The following AFF2 variants were observed in gnomAD, a reference collection of about 807,000 sequenced individuals.
The protein encoded by AFF2 is ALF transcription elongation factor 2.
Under a neutral mutation model 76.9 loss-of-function variants are expected in AFF2, and 14 were observed. The ratio of observed to expected loss-of-function variants is 0.18; its 90% confidence interval spans 0.12 to 0.28. The LOEUF is 0.28. Among genes scored for constraint, AFF2 ranks in the 10% least tolerant of loss-of-function variants. The probability of loss-of-function intolerance (pLI) is 1.00; values close to 1 mark genes in which losing one functional copy is unlikely to be tolerated. For synonymous variants in AFF2, 398 were observed against 366.7 expected, an observed-to-expected ratio of 1.09 and a Z score of -0.98; for missense variants, 868 against 1,001.1, an observed-to-expected ratio of 0.87 and a Z score of 1.79.
At chrX:148,781,042 C>T (rs782342190) in intron 3 of AFF2, among the ~76,000 whole-genome samples, 3 of 111,878 alleles carry the variant, frequency 2.7e-5, no homozygotes, top group East Asian at 2.8e-4. Flanking sequence ...TGGGGTTTTC[C>T]GCCAGACTCT....
chrX:148,606,858 A>T (rs1442331767), intron 1 of AFF2, among the ~76,000 whole-genome samples: 2 of 111,477 alleles, frequency 1.8e-5, no homozygotes, highest in Non-Finnish European at 3.8e-5. Context: ...AGACAATGAC[A>T]CATAAATGAG....
intron 8 of AFF2, among the ~76,000 whole-genome samples, chrX:148,901,013 C>G (rs985309480): frequency 8.9e-6 from 1 of 112,317 alleles, no homozygotes; most frequent in Non-Finnish European, 1.9e-5. Flanking sequence ...AATCAAGGTG[C>G]ACTGCATTTG....
intron 8 of AFF2, among the ~76,000 whole-genome samples, chrX:148,896,892 A>G (rs1409281783): frequency 9.1e-6 from 1 of 109,868 alleles, no homozygotes; most frequent in African/African-American, 3.3e-5. Context: ...CTGTGGTCCA[A>G]GAGACATTCT....
chrX:148,825,330 G>A (rs782359759), intron 4 of AFF2, among the ~76,000 whole-genome samples: 136 of 111,736 alleles, frequency 1.2e-3, no homozygotes, highest in African/African-American at 4.0e-3. Context: ...CTACTTCTCT[G>A]TATTATTGAG....
intron 7 of AFF2, among the ~76,000 whole-genome samples, chrX:148,856,652 C>T (rs1194689063): frequency 9.0e-6 from 1 of 111,642 alleles, no homozygotes; most frequent in Non-Finnish European, 1.9e-5. Flanking sequence ...ATTCTCTGCT[C>T]CTGAGTCCCA....
chrX:148,688,488 C>A (rs187423695), intron 3 of AFF2, among the ~76,000 whole-genome samples: 1,874 of 111,381 alleles, frequency 0.017, 18 homozygotes, highest in Non-Finnish European at 0.025. Flanking sequence ...GTCTCACATT[C>A]TATTTTGATT....
intron 1 of AFF2, among the ~76,000 whole-genome samples, chrX:148,644,063 T>C (rs2054116588): frequency 9.0e-6 from 1 of 111,667 alleles, no homozygotes; most frequent in Non-Finnish European, 1.9e-5. Flanking sequence ...AGTGCACTCT[T>C]ACAATATTTT....
chrX:148,964,658 C>A (rs1557288485), intron 13 of AFF2, among the ~76,000 whole-genome samples: 1 of 111,465 alleles, frequency 9.0e-6, no homozygotes, highest in African/African-American at 3.3e-5. Flanking sequence ...TGGGGAGACA[C>A]TGTTTAATGG....
chrX:148,773,647 G>A (rs1200423497), intron 3 of AFF2, among the ~76,000 whole-genome samples: 2 of 96,280 alleles, frequency 2.1e-5, no homozygotes, highest in Non-Finnish European at 4.1e-5. Context: ...GGAAAGGAGG[G>A]AGGGAGGAAG....
At position 148,992,901 on chromosome X, in the gene AFF2, G is replaced by A. The variant is rs2072549136; in HGVS notation, c.*1569G>A. 1 of 112,455 alleles carries A rather than the reference G, an allele frequency of 8.9e-6. No homozygotes were observed. The highest frequency in any genetic ancestry group is 3.2e-5 in the African/African-American group (1 of 30,857). 9.3% of individuals were successfully genotyped at this position (112,455 alleles called of 1,213,427 possible). A position where few individuals can be genotyped will look rare whatever the true frequency, so the allele number is the denominator to read the frequency against. ...ATTCCATGTAGCCTTTAATATGCTGGGTTATCAAATTCTGTTCACTGAGTT... is the reference window on the plus strand; with the variant it reads ...ATTCCATGTAGCCTTTAATATGCTGAGTTATCAAATTCTGTTCACTGAGTT... On this transcript the variant is annotated 3_prime_UTR_variant, in exon 21 of 21. Coordinates refer to ENST00000370460, the MANE Select transcript of AFF2 (RefSeq NM_002025.4).
chrX:148,897,298 A>G (rs1276577159), intron 8 of AFF2, among the ~76,000 whole-genome samples: 14 of 78,564 alleles, frequency 1.8e-4, no homozygotes, highest in Non-Finnish European at 3.5e-4. Context: ...ATATATCCAT[A>G]TGTGTGTATA....
chrX:148,618,738 T>C (rs2124415105), intron 1 of AFF2, among the ~76,000 whole-genome samples: 1 of 112,263 alleles, frequency 8.9e-6, no homozygotes, highest in Admixed American at 9.4e-5. Context: ...TTAGGCATGG[T>C]TATCATTTTC....
intron 1 of AFF2, among the ~76,000 whole-genome samples, chrX:148,585,053 T>C (rs2053453338): frequency 8.9e-6 from 1 of 112,099 alleles, no homozygotes; most frequent in Admixed American, 9.4e-5. Flanking sequence ...AAATGGATTG[T>C]CCCTGCTTCC....
intron 1 of AFF2, among the ~76,000 whole-genome samples, chrX:148,639,522 T>G (rs2054066319): frequency 8.9e-6 from 1 of 111,954 alleles, no homozygotes. Context: ...TAGTTTTGAA[T>G]GGAAGGCTGA....
intron 19 of AFF2, among the ~76,000 whole-genome samples, chrX:148,986,194 A>G (rs1236771321): frequency 8.9e-6 from 1 of 111,881 alleles, no homozygotes; most frequent in East Asian, 2.8e-4. Context: ...TCAAACATGC[A>G]GACTCATGGA....
intron 3 of AFF2, among the ~76,000 whole-genome samples, chrX:148,780,926 T>G (rs1194971034): frequency 2.0e-4 from 22 of 112,017 alleles, no homozygotes; most frequent in Non-Finnish European, 3.8e-4. Context: ...GAACTTCGGA[T>G]GGAGTTTTTG....
chrX:148,763,485 G>A (rs781937489), intron 3 of AFF2, among the ~76,000 whole-genome samples: 7 of 109,029 alleles, frequency 6.4e-5, no homozygotes, highest in South Asian at 7.9e-4. Context: ...TTTTTTTTTA[G>A]AGAGAAGTAG....
At chrX:148,538,297 G>T (rs964943413) in intron 1 of AFF2, among the ~76,000 whole-genome samples, 2 of 112,130 alleles carry the variant, frequency 1.8e-5, no homozygotes, top group East Asian at 5.6e-4. Flanking sequence ...TGGTAGAAGC[G>T]TGCAGATTGC....
At chrX:148,987,690 A>T (rs1327865647) in intron 20 of AFF2, 133 bp downstream of exon 20, 1 of 576,706 alleles carries the variant, frequency 1.7e-6, no homozygotes, top group African/African-American at 2.3e-5. Context: ...ATAAGGGAAG[A>T]CAGAGTTCGC....
Sources: gnomAD v4.1 joint callset for allele counts (sites outside exome capture counted in the v4.1 genomes callset) on GRCh38, gnomAD v4.1.1 for gene constraint, MANE v1.5 for transcripts, NCBI Gene and HGNC (gene_info 2026-07-23, HGNC 2026-07-21) for gene names.